DLG2: variants seen among roughly 807,000 people sequenced by gnomAD.
DLG2 encodes the protein discs large MAGUK scaffold protein 2.
DLG2 carries 45 observed loss-of-function variants against 132.5 expected under a neutral mutation model. That is an observed-to-expected ratio of 0.34 (90% confidence interval 0.27 to 0.44). The LOEUF (loss-of-function observed/expected upper bound fraction) is 0.44. Among genes scored for constraint, DLG2 ranks in the 20% least tolerant of loss-of-function variants. The pLI is 1.00. For missense variants in DLG2, 1,045 were observed against 1,196.9 expected (o/e 0.87, Z 1.87); for synonymous variants, 424 against 419.6 (o/e 1.01, Z -0.13).
At chr11:84,164,573 G>A (rs924506182) in intron 8 of DLG2, among the ~76,000 whole-genome samples, 3 of 152,162 alleles carry the variant, frequency 2.0e-5, no homozygotes, top group African/African-American at 7.2e-5. Flanking sequence ...ACAGAGCCTG[G>A]CAAGAAAATA....
intron 5 of DLG2, among the ~76,000 whole-genome samples, chr11:85,152,555 C>T (rs936036412): frequency 6.6e-6 from 1 of 152,126 alleles, no homozygotes; most frequent in Non-Finnish European, 1.5e-5. Context: ...ACCTTGGCCT[C>T]CCAAAGTGCA....
At chr11:85,468,846 T>G (rs2092892546) in intron 3 of DLG2, among the ~76,000 whole-genome samples, 1 of 152,274 alleles carries the variant, frequency 6.6e-6, no homozygotes, top group East Asian at 1.9e-4. Context: ...TTTATAGAGA[T>G]GGAGTCTCAC....
chr11:85,435,599 T>C (rs1329482920), intron 3 of DLG2, among the ~76,000 whole-genome samples: 1 of 151,936 alleles, frequency 6.6e-6, no homozygotes, highest in Non-Finnish European at 1.5e-5. Context: ...TCAATACAGC[T>C]AACAAAGGGG....
intron 9 of DLG2, among the ~76,000 whole-genome samples, chr11:84,125,849 T>C (rs2094144958): frequency 6.6e-6 from 1 of 152,220 alleles, no homozygotes; most frequent in African/African-American, 2.4e-5. Context: ...ATTGTTTTTC[T>C]AGTGTGATTG....
intron 8 of DLG2, among the ~76,000 whole-genome samples, chr11:84,242,041 T>A (rs1216932764): frequency 1.3e-5 from 2 of 152,348 alleles, no homozygotes. Context: ...AAAAGTGCTC[T>A]GCTAGGTTAC....
chr11:85,316,966 A>G (rs1285484313), intron 3 of DLG2, among the ~76,000 whole-genome samples: 1 of 151,912 alleles, frequency 6.6e-6, no homozygotes, highest in Non-Finnish European at 1.5e-5. Context: ...AAAAAGATAC[A>G]ACATAGCACA....
intron 19 of DLG2, chr11:83,632,009 G>A (rs761582298): frequency 1.5e-4 from 23 of 152,252 alleles, no homozygotes; most frequent in Non-Finnish European, 2.5e-4. Context: ...TTACAATTAA[G>A]GGTATCAAAA....
chr11:84,693,050 A>G (rs1031951376), intron 6 of DLG2, among the ~76,000 whole-genome samples: 1 of 151,584 alleles, frequency 6.6e-6, no homozygotes, highest in Non-Finnish European at 1.5e-5. Flanking sequence ...CTATATCAAT[A>G]CCTCTGTTTT....
At chr11:84,057,225 T>C (rs2096519438) in intron 11 of DLG2, among the ~76,000 whole-genome samples, 1 of 152,130 alleles carries the variant, frequency 6.6e-6, no homozygotes, top group African/African-American at 2.4e-5. Context: ...TTGGTAAAAT[T>C]AAGTTTTAGT....
At chr11:83,649,314 C>A (rs1175522579) in intron 18 of DLG2, among the ~76,000 whole-genome samples, 4 of 152,154 alleles carry the variant, frequency 2.6e-5, no homozygotes, top group African/African-American at 9.7e-5. Context: ...CACTAGCCCC[C>A]AGCTTCTCCC....
At chr11:84,980,585 AC>A (rs1304681433) in intron 6 of DLG2, among the ~76,000 whole-genome samples, 1 of 151,966 alleles carries the variant, frequency 6.6e-6, no homozygotes, top group East Asian at 1.9e-4. Context: ...CCAATAAGAA[AC>A]CCCAAACAGG....
intron 18 of DLG2, among the ~76,000 whole-genome samples, chr11:83,721,512 G>A (rs544581886): frequency 6.6e-6 from 1 of 152,274 alleles, no homozygotes; most frequent in East Asian, 1.9e-4. Context: ...TCAGTGACTG[G>A]TCACTGAGCA....
At chr11:84,647,091 T>C (rs1297417699) in intron 6 of DLG2, among the ~76,000 whole-genome samples, 1 of 151,948 alleles carries the variant, frequency 6.6e-6, no homozygotes, top group Non-Finnish European at 1.5e-5. Flanking sequence ...TCTAAATCTA[T>C]TGGGGATAAC....
chr11:84,671,592 C>T (rs765107887), intron 6 of DLG2, among the ~76,000 whole-genome samples: 1 of 152,116 alleles, frequency 6.6e-6, no homozygotes, highest in Admixed American at 6.6e-5. Context: ...GAATGACTTC[C>T]GTGTTGGCTA....
In DLG2 at chr11:84,105,246, T is replaced by C. The variant is rs548156067; in HGVS notation, c.625-6199A>G. Among the ~76,000 whole-genome samples, 6 of 152,300 alleles carry C rather than the reference T, an allele frequency of 3.9e-5. No homozygotes were observed. The South Asian group carries it at 6.2e-4, about 16-fold the overall frequency. On this transcript the variant is annotated intron_variant, in intron 9 of 27. Coordinates refer to ENST00000376104, the MANE Select transcript of DLG2 (RefSeq NM_001142699.3). Reference sequence around the variant, plus strand: ...AGTGATACGGTTTAGTGGAAAAACATAGATCTGGGTCGTTTTAACCTGGGT... The same window carrying C: ...AGTGATACGGTTTAGTGGAAAAACACAGATCTGGGTCGTTTTAACCTGGGT...
chr11:83,680,278 C>T lies in DLG2; in HGVS notation c.1826-46953G>A, dbSNP rs149020678. Among the ~76,000 whole-genome samples, 331 of 152,170 alleles carry T rather than the reference C, an allele frequency of 2.2e-3. 2 individuals are homozygous for T. The highest frequency in any genetic ancestry group is 7.1e-3 in the African/African-American group (296 of 41,518). ...ACCCAGATACTGCTGTAAAATAAACCGTGGAGTGTGGCGTGTAATTTTAAA... is the reference window on the plus strand; with the variant it reads ...ACCCAGATACTGCTGTAAAATAAACTGTGGAGTGTGGCGTGTAATTTTAAA... On this transcript the variant is annotated intron_variant, in intron 18 of 27. Coordinates refer to ENST00000376104, the MANE Select transcript of DLG2 (RefSeq NM_001142699.3).
At chr11:84,722,786 A>G (rs781538387) in intron 6 of DLG2, among the ~76,000 whole-genome samples, 1 of 152,204 alleles carries the variant, frequency 6.6e-6, no homozygotes, top group Non-Finnish European at 1.5e-5. Context: ...TGTAGAGGGC[A>G]GCCATGCCTA....
chr11:84,558,739 C>T (rs1162818957), intron 6 of DLG2, among the ~76,000 whole-genome samples: 2 of 152,138 alleles, frequency 1.3e-5, no homozygotes, highest in East Asian at 3.9e-4. Context: ...CCACCTACGC[C>T]AAATTCCGTT....
intron 18 of DLG2, among the ~76,000 whole-genome samples, chr11:83,660,984 G>T (rs2074114596): frequency 6.6e-6 from 1 of 152,110 alleles, no homozygotes; most frequent in South Asian, 2.1e-4. Flanking sequence ...CAACAACCCT[G>T]CAGACTGATA....
Sources: allele counts gnomAD v4.1 joint callset (sites outside exome capture counted in the v4.1 genomes callset), GRCh38; gene constraint gnomAD v4.1.1; transcripts MANE v1.5; gene names NCBI Gene and HGNC (gene_info 2026-07-23, HGNC 2026-07-21).